The following ANO10 variants were observed in gnomAD, a reference collection of about 807,000 sequenced individuals.
The protein encoded by ANO10 is anoctamin 10, also known as anoctamin-10.
Under a neutral mutation model 74.7 loss-of-function variants are expected in ANO10, and 77 were observed. The ratio of observed to expected loss-of-function variants is 1.03; its 90% CI spans 0.86 to 1.25. The LOEUF is 1.25. ANO10 is among the 50% of genes most tolerant of loss of function. The pLI is 0.00. For synonymous variants in ANO10, 279 were observed against 284.9 expected, an observed-to-expected ratio of 0.98 and a Z score of 0.21; for missense variants, 721 against 778.1, an observed-to-expected ratio of 0.93 and a Z score of 0.87.
chr3:43,605,923 C>G, intron 1 of ANO10, 60 bp from the exon 2 acceptor site: 1 of 1,562,942 alleles, frequency 6.4e-7, no homozygotes, highest in Non-Finnish European at 8.7e-7. Context: ...GAGAAATATG[C>G]TATAGACTTC....
At chr3:43,642,803 A>G (rs2149564307) in intron 1 of ANO10, among the ~76,000 whole-genome samples, 1 of 152,116 alleles carries the variant, frequency 6.6e-6, no homozygotes, top group Admixed American at 6.5e-5. Flanking sequence ...CTAACTTTTT[A>G]AATCTAAAAA....
intron 11 of ANO10, among the ~76,000 whole-genome samples, chr3:43,465,037 T>C (rs1346729418): frequency 6.6e-6 from 1 of 152,212 alleles, no homozygotes; most frequent in Admixed American, 6.5e-5. Context: ...AAAGAACCTA[T>C]AGATTATAAA....
At chr3:43,455,056 C>G (rs951572121) in intron 11 of ANO10, among the ~76,000 whole-genome samples, 4 of 152,124 alleles carry the variant, frequency 2.6e-5, no homozygotes, top group Admixed American at 2.6e-4. Flanking sequence ...TGTGGGCCAT[C>G]TGCAGTGACA....
intron 12 of ANO10, among the ~76,000 whole-genome samples, chr3:43,376,222 A>C (rs892213321): frequency 2.0e-5 from 3 of 152,232 alleles, no homozygotes; most frequent in Non-Finnish European, 4.4e-5. Flanking sequence ...GAAAGGTTAA[A>C]ATAAGCCATA....
chr3:43,572,621 A>C (rs1482927622), intron 7 of ANO10, among the ~76,000 whole-genome samples: 2 of 152,096 alleles, frequency 1.3e-5, no homozygotes, highest in African/African-American at 4.8e-5. Context: ...GGGATTACCA[A>C]TCAAGGGGAT....
At chr3:43,458,523 T>C (rs1452576797) in intron 11 of ANO10, among the ~76,000 whole-genome samples, 2 of 152,306 alleles carry the variant, frequency 1.3e-5, no homozygotes, top group South Asian at 2.1e-4. Flanking sequence ...TATTTCTACA[T>C]AGGAAATATT....
Position 43,395,321 on chromosome 3 carries a change from T to C in ANO10, c.1915-28347A>G, listed in dbSNP as rs149155790. On this transcript the variant is annotated intron_variant, in intron 12 of 12. Coordinates refer to ENST00000292246, the MANE Select transcript of ANO10 (RefSeq NM_018075.5). ...TATCGATTTGTGGATCATACGTTTA[T>C]GGATCATACTTTAGGAATTGTAGCT... 2.1e-3 allele frequency among the ~76,000 whole-genome samples: 315 copies of C among 152,372 alleles called. 1 individual carries two copies. Among genetic ancestry groups the C allele is most frequent in the African/African-American group, 7.2e-3 (298 of 41,590 alleles).
chr3:43,540,062 A>G (rs2078890058), intron 11 of ANO10, among the ~76,000 whole-genome samples: 1 of 152,230 alleles, frequency 6.6e-6, no homozygotes, highest in African/African-American at 2.4e-5. Flanking sequence ...AGTATTTCCC[A>G]TTACTTGACA....
At chr3:43,542,325 T>G (rs1376228157) in intron 11 of ANO10, among the ~76,000 whole-genome samples, 1 of 151,816 alleles carries the variant, frequency 6.6e-6, no homozygotes, top group Non-Finnish European at 1.5e-5. Context: ...GGCTGAGGCG[T>G]GGAAGTAAGA....
At chr3:43,639,717 A>G (rs1025225289) in intron 1 of ANO10, among the ~76,000 whole-genome samples, 4 of 151,790 alleles carry the variant, frequency 2.6e-5, no homozygotes, top group Non-Finnish European at 4.4e-5. Context: ...CGGAGGTTGC[A>G]GTGAGCTGAG....
At position 43,529,510 on chromosome 3, in the gene ANO10, C is replaced by T. The variant is rs760014019; in HGVS notation, c.1797+20210G>A. On this transcript the variant is annotated intron_variant, in intron 11 of 12. Transcript: ENST00000292246. ...TTGAGAACTGCTATACTGAAGAACA[C>T]GTTTCATAGAACAAAGGGGAAAAGG... Among the ~76,000 whole-genome samples the T allele has an allele frequency of 7.9e-5, 12 of 151,960 alleles. 1 individual carries two copies. The highest frequency in any genetic ancestry group is 1.8e-4 in the Non-Finnish European group (12 of 67,994).
intron 11 of ANO10, among the ~76,000 whole-genome samples, chr3:43,523,551 G>T (rs2078053526): frequency 1.3e-5 from 2 of 152,166 alleles, no homozygotes; most frequent in South Asian, 4.1e-4. Context: ...CTACACACAA[G>T]GCACTGAGTG....
At chr3:43,378,996 A>G (rs1444383070) in intron 12 of ANO10, among the ~76,000 whole-genome samples, 3 of 152,180 alleles carry the variant, frequency 2.0e-5, no homozygotes, top group Non-Finnish European at 1.5e-5. Context: ...TCCATTACCT[A>G]TATCCCTTCC....
At chr3:43,615,214 T>C (rs1363657742) in intron 1 of ANO10, among the ~76,000 whole-genome samples, 5 of 152,164 alleles carry the variant, frequency 3.3e-5, no homozygotes, top group African/African-American at 1.2e-4. Context: ...ACTTTAATGC[T>C]ACCATTTTAC....
intron 12 of ANO10, among the ~76,000 whole-genome samples, chr3:43,420,271 C>T (rs1055357865): frequency 1.3e-5 from 2 of 151,728 alleles, no homozygotes; most frequent in African/African-American, 4.8e-5. Context: ...CATGATGAAA[C>T]CCTGTCTCTA....
chr3:43,513,307 GA>G, intron 11 of ANO10, among the ~76,000 whole-genome samples: 1 of 152,192 alleles, frequency 6.6e-6, no homozygotes, highest in Admixed American at 6.5e-5. Context: ...CGAAGGAGGA[GA>G]AAAATGGAAG....
intron 10 of ANO10, among the ~76,000 whole-genome samples, chr3:43,552,776 G>C (rs2079546528): frequency 6.7e-6 from 1 of 149,210 alleles, no homozygotes; most frequent in South Asian, 2.1e-4. Context: ...GTATATGTGT[G>C]TATTTTATAT....
intron 12 of ANO10, among the ~76,000 whole-genome samples, chr3:43,389,883 G>C (rs145001791): frequency 6.6e-6 from 1 of 152,262 alleles, no homozygotes; most frequent in Non-Finnish European, 1.5e-5. Flanking sequence ...TGACCACAGA[G>C]GAAAGCACGT....
chr3:43,402,042 G>C (rs17473118), intron 12 of ANO10, among the ~76,000 whole-genome samples: 2 of 152,208 alleles, frequency 1.3e-5, no homozygotes, highest in Non-Finnish European at 2.9e-5. Flanking sequence ...AACATCCCCA[G>C]TGGGCTCTTC....
Sources: gnomAD v4.1 joint callset for allele counts (sites outside exome capture counted in the v4.1 genomes callset) on GRCh38, gnomAD v4.1.1 for gene constraint, MANE v1.5 for transcripts, NCBI Gene and HGNC (gene_info 2026-07-23, HGNC 2026-07-21) for gene names.